Variants in SYN3 observed in about 807,000 individuals in gnomAD.
SYN3 encodes the protein synapsin-3.
A neutral mutation model predicts 65.8 loss-of-function variants in SYN3; 35 were observed. The observed-to-expected ratio is 0.53, with a 90% CI of 0.41 to 0.70. The LOEUF (loss-of-function observed/expected upper bound fraction) is 0.70, where lower values mean the gene tolerates loss of function less well. Ranked by LOEUF, SYN3 falls within the 30% of genes least tolerant of loss-of-function variation. The pLI, the probability that SYN3 is intolerant of heterozygous loss-of-function variation, is 0.00. For missense variants in SYN3, 680 were observed against 749.0 expected (o/e 0.91, Z 1.08); for synonymous variants, 270 against 292.9 (o/e 0.92, Z 0.80).
chr22:32,581,581 A>AAATTCAGT (rs2058942482), intron 7 of SYN3, among the ~76,000 whole-genome samples: 1 of 152,180 alleles, frequency 6.6e-6, no homozygotes, highest in Non-Finnish European at 1.5e-5. Flanking sequence ...GGGTAAGGCC[A>AAATTCAGT]AATTCAGTGT....
At chr22:32,883,211 C>T (rs1199451692) in intron 4 of SYN3, among the ~76,000 whole-genome samples, 2 of 152,192 alleles carry the variant, frequency 1.3e-5, no homozygotes, top group African/African-American at 2.4e-5. Context: ...CCCTGCCCTC[C>T]CTGCTGGAGA....
rs57490118 is a variant in SYN3 at position 32,816,810 on chromosome 22, C to T, written c.711+48105G>A. On this transcript the variant is annotated intron_variant, in intron 6 of 13. Coordinates refer to ENST00000358763, the MANE Select transcript of SYN3 (RefSeq NM_003490.4). ...CTTCCCTGGGAGGAATTCAGCAGCA[C>T]CTCTTGTAAGTCATCAGGTGTGCTG... is the stretch of plus-strand genomic sequence containing the variant. Among the ~76,000 whole-genome samples the T allele has an allele frequency of 9.4e-3, 1,432 of 152,284 alleles. 23 individuals carry two copies. Among genetic ancestry groups the T allele is most frequent in the African/African-American group, 0.033 (1,379 of 41,552 alleles).
chr22:32,548,897 A>G (rs1371809020), intron 7 of SYN3, among the ~76,000 whole-genome samples: 2 of 152,174 alleles, frequency 1.3e-5, no homozygotes, highest in East Asian at 3.8e-4. Context: ...CAATTGGGCC[A>G]TGTTCTATGA....
At chr22:33,021,545 T>C (rs968327395) in intron 1 of SYN3, among the ~76,000 whole-genome samples, 13 of 152,202 alleles carry the variant, frequency 8.5e-5, no homozygotes, top group African/African-American at 2.9e-4. Flanking sequence ...AGAAAGAAGA[T>C]GAATTCCAGT....
chr22:32,773,138 G>A (rs1309320726), intron 6 of SYN3, among the ~76,000 whole-genome samples: 4 of 152,318 alleles, frequency 2.6e-5, no homozygotes, highest in Non-Finnish European at 5.9e-5. Context: ...GTCGGGCGTG[G>A]TGGCTCATGG....
intron 6 of SYN3, among the ~76,000 whole-genome samples, chr22:32,684,096 A>G (rs1241204875): frequency 1.3e-5 from 2 of 152,362 alleles, no homozygotes; most frequent in East Asian, 1.9e-4. Flanking sequence ...CCCAAACAAC[A>G]GTGGTTAATC....
intron 5 of SYN3, 79 bp from the exon 6 acceptor site, chr22:32,865,083 A>C: frequency 8.5e-7 from 1 of 1,174,534 alleles, no homozygotes; most frequent in Non-Finnish European, 1.3e-6. Flanking sequence ...CTGAGGCCTC[A>C]AGCATCTGAC....
intron 6 of SYN3, among the ~76,000 whole-genome samples, chr22:32,749,551 G>C (rs537380329): frequency 6.6e-6 from 1 of 152,238 alleles, no homozygotes; most frequent in East Asian, 1.9e-4. Flanking sequence ...TGAGGCAGGA[G>C]AATTGCTTGA....
At chr22:33,053,318 G>T (rs568649918) in intron 1 of SYN3, among the ~76,000 whole-genome samples, 1 of 152,238 alleles carries the variant, frequency 6.6e-6, no homozygotes, top group East Asian at 1.9e-4. Flanking sequence ...AGCTACTCCG[G>T]AGGCTGAGGC....
At chr22:32,881,489 T>C (rs758514433) in intron 4 of SYN3, among the ~76,000 whole-genome samples, 2 of 152,160 alleles carry the variant, frequency 1.3e-5, no homozygotes, top group Non-Finnish European at 2.9e-5. Flanking sequence ...AGCTGCTTCC[T>C]CAGTGCAAGA....
At chr22:32,638,300 A>G (rs2059847972) in intron 6 of SYN3, among the ~76,000 whole-genome samples, 1 of 152,194 alleles carries the variant, frequency 6.6e-6, no homozygotes, top group Admixed American at 6.5e-5. Flanking sequence ...TCTTTTTGGT[A>G]GAATGATTTG....
chr22:32,652,626 GA>G (rs1333355729), intron 6 of SYN3, among the ~76,000 whole-genome samples: 1 of 152,120 alleles, frequency 6.6e-6, no homozygotes, highest in Non-Finnish European at 1.5e-5. Context: ...TCAATTCTAT[GA>G]AGCAGAAGGT....
chr22:32,811,253 A>G (rs2046908184), intron 6 of SYN3, among the ~76,000 whole-genome samples: 2 of 152,204 alleles, frequency 1.3e-5, no homozygotes, highest in Non-Finnish European at 2.9e-5. Context: ...GTGGGGAGCC[A>G]AAGACTCAGG....
chr22:32,571,387 T>G (rs985248265), intron 7 of SYN3, among the ~76,000 whole-genome samples: 1 of 152,210 alleles, frequency 6.6e-6, no homozygotes, highest in Non-Finnish European at 1.5e-5. Flanking sequence ...AGCTTGGATT[T>G]ATGTGGCACC....
At chr22:32,530,769 C>T (rs1486092311) in intron 10 of SYN3, among the ~76,000 whole-genome samples, 4 of 151,964 alleles carry the variant, frequency 2.6e-5, no homozygotes, top group African/African-American at 9.7e-5. Flanking sequence ...CTTTGGGAGG[C>T]CGGGGCGGGC....
At chr22:32,570,888 G>C (rs1208154158) in intron 7 of SYN3, among the ~76,000 whole-genome samples, 9 of 152,090 alleles carry the variant, frequency 5.9e-5, no homozygotes, top group Non-Finnish European at 1.5e-5. Context: ...GGACACAAAT[G>C]AACATGGATA....
At chr22:32,551,630 A>T (rs568719586) in intron 7 of SYN3, among the ~76,000 whole-genome samples, 1 of 152,270 alleles carries the variant, frequency 6.6e-6, no homozygotes, top group South Asian at 2.1e-4. Flanking sequence ...AATGGAACAC[A>T]TCAATTAACA....
intron 6 of SYN3, among the ~76,000 whole-genome samples, chr22:32,784,729 T>C (rs913315127): frequency 6.6e-6 from 1 of 152,200 alleles, no homozygotes; most frequent in African/African-American, 2.4e-5. Flanking sequence ...CTTTGGAAGT[T>C]CTCTACTTAT....
At chr22:32,597,301 T>G (rs1212009040) in intron 6 of SYN3, among the ~76,000 whole-genome samples, 1 of 146,406 alleles carries the variant, frequency 6.8e-6, no homozygotes, top group East Asian at 2.1e-4. Context: ...CTGCAACCTT[T>G]GCCTCCAGGG....
Sources: gnomAD v4.1 joint callset for allele counts (sites outside exome capture counted in the v4.1 genomes callset) on GRCh38, gnomAD v4.1.1 for gene constraint, MANE v1.5 for transcripts, NCBI Gene and HGNC (gene_info 2026-07-23, HGNC 2026-07-21) for gene names.